Variants in DMD observed in about 807,000 individuals in gnomAD.
The protein encoded by DMD is mutant dystrophin.
A neutral mutation model predicts 330.1 loss-of-function variants in DMD; 63 were observed. That is an observed-to-expected ratio of 0.19 (90% CI 0.16 to 0.24). DMD has a LOEUF of 0.24. Among genes scored for constraint, DMD ranks in the 10% least tolerant of loss-of-function variants. The probability of loss-of-function intolerance (pLI) is 1.00; values close to 1 mark genes in which losing one functional copy is unlikely to be tolerated. For missense variants in DMD, 3,344 were observed against 2,684.1 expected (o/e 1.25, Z -5.43); for synonymous variants, 1,223 against 959.8 (o/e 1.27, Z -5.07).
intron 9 of DMD, among the ~76,000 whole-genome samples, chrX:32,651,449 T>A (rs944593914): frequency 8.9e-6 from 1 of 112,336 alleles, no homozygotes; most frequent in East Asian, 2.8e-4. Context: ...GGCCCTCACG[T>A]AACTTCTTAA....
At chrX:33,039,130 G>A (rs1462539827) in intron 1 of DMD, among the ~76,000 whole-genome samples, 1 of 111,658 alleles carries the variant, frequency 9.0e-6, no homozygotes, top group African/African-American at 3.3e-5. Context: ...TTCCGTTGTT[G>A]GAGATATCAT....
chrX:31,997,482 A>T (rs775586379), intron 44 of DMD, among the ~76,000 whole-genome samples: 2 of 109,229 alleles, frequency 1.8e-5, no homozygotes, highest in South Asian at 3.9e-4. Flanking sequence ...CTAAGATTGA[A>T]AACTAACTCT....
chrX:32,726,753 A>T (rs1322227074), intron 7 of DMD, among the ~76,000 whole-genome samples: 1 of 110,899 alleles, frequency 9.0e-6, no homozygotes, highest in Non-Finnish European at 1.9e-5. Context: ...GTCCAACACA[A>T]TGTTTCTACA....
intron 36 of DMD, among the ~76,000 whole-genome samples, chrX:32,364,343 G>A (rs1027369017): frequency 2.7e-5 from 3 of 111,925 alleles, no homozygotes; most frequent in Non-Finnish European, 3.8e-5. Context: ...CTTTCTGAAC[G>A]GAGTTTACAT....
At chrX:31,264,551 G>T (rs1187631557) in intron 62 of DMD, among the ~76,000 whole-genome samples, 1 of 111,984 alleles carries the variant, frequency 8.9e-6, no homozygotes, top group Non-Finnish European at 1.9e-5. Context: ...TGGCCCTGCT[G>T]GTTCCAAAGC....
chrX:32,913,784 T>C (rs58214409), intron 2 of DMD, among the ~76,000 whole-genome samples: 4,404 of 111,980 alleles, frequency 0.039, 128 homozygotes, highest in East Asian at 0.17. Flanking sequence ...GGGGACCTGA[T>C]GTCCCTGAGA....
chrX:33,271,727 C>T (rs1432381875), intron 1 of DMD, among the ~76,000 whole-genome samples: 1 of 101,038 alleles, frequency 9.9e-6, no homozygotes, highest in African/African-American at 3.6e-5. Flanking sequence ...GATAGTGCCA[C>T]CACACTCCAG....
At chrX:31,936,577 T>G (rs1337270506) in intron 45 of DMD, among the ~76,000 whole-genome samples, 1 of 111,729 alleles carries the variant, frequency 9.0e-6, no homozygotes, top group East Asian at 2.8e-4. Flanking sequence ...TTAAGAGCTC[T>G]TTTCACATTA....
At chrX:31,686,386 A>T (rs1418652398) in intron 52 of DMD, among the ~76,000 whole-genome samples, 1 of 111,963 alleles carries the variant, frequency 8.9e-6, no homozygotes, top group Non-Finnish European at 1.9e-5. Flanking sequence ...TTGCATTTCA[A>T]GTTTTCATAA....
chrX:32,918,306 C>A (rs2088045615), intron 2 of DMD, among the ~76,000 whole-genome samples: 1 of 111,592 alleles, frequency 9.0e-6, no homozygotes, highest in Non-Finnish European at 1.9e-5. Context: ...AAATCTAAGT[C>A]CTATTTAATC....
chrX:32,476,352 C>T (rs2041235886), intron 21 of DMD, among the ~76,000 whole-genome samples: 1 of 111,355 alleles, frequency 9.0e-6, no homozygotes, highest in South Asian at 3.7e-4. Flanking sequence ...TGCATTCCAA[C>T]CCTCATCCTA....
rs764788544 is a variant in DMD, at chrX:32,400,096, G to C, written c.4234-9915C>G. 3.6e-5 allele frequency among the ~76,000 whole-genome samples: 4 copies of C among 111,578 alleles called. No individual in the cohort carries two copies. The South Asian group carries it at 1.5e-3, about 42-fold the overall frequency. On this transcript the variant is annotated intron_variant, in intron 30 of 78. Coordinates refer to ENST00000357033, the MANE Select transcript of DMD (RefSeq NM_004006.3). ...TCAGTATGATATTGGCTGTGGGTTTGTCATAGATAGCTCTTATTATTTTGA... is the reference window on the plus strand; with the variant it reads ...TCAGTATGATATTGGCTGTGGGTTTCTCATAGATAGCTCTTATTATTTTGA...
Position 32,497,179 on chromosome X carries a change from A to G in DMD, c.2380+4576T>C, listed in dbSNP as rs542309680. ...GAAATTATCTAATGAGCTATGAACC[A>G]AAATACAAGAAAAAAAGATAGTTAC... On this transcript the variant is annotated intron_variant, in intron 19 of 78. Coordinates refer to ENST00000357033, the MANE Select transcript of DMD (RefSeq NM_004006.3). Among the ~76,000 whole-genome samples, 20 of 111,703 alleles carry G rather than the reference A, an allele frequency of 1.8e-4. No individual in the cohort carries two copies. The South Asian group carries it at 7.5e-3, about 42-fold the overall frequency.
intron 55 of DMD, among the ~76,000 whole-genome samples, chrX:31,521,103 G>C (rs1037105235): frequency 6.3e-5 from 7 of 111,390 alleles, no homozygotes; most frequent in African/African-American, 2.3e-4. Context: ...TGAAGAACTA[G>C]AACAGATAAG....
chrX:31,388,200 T>C (rs750398975), intron 60 of DMD, among the ~76,000 whole-genome samples: 1 of 108,802 alleles, frequency 9.2e-6, no homozygotes, highest in African/African-American at 3.4e-5. Flanking sequence ...AGACGGAGTT[T>C]CACCATGTTA....
intron 57 of DMD, among the ~76,000 whole-genome samples, chrX:31,482,010 C>T (rs1404362113): frequency 1.8e-5 from 2 of 110,538 alleles, no homozygotes; most frequent in Admixed American, 1.9e-4. Flanking sequence ...TCCTAGTCTC[C>T]CACTTATGGA....
intron 64 of DMD, among the ~76,000 whole-genome samples, chrX:31,213,716 G>A (rs1192505873): frequency 1.8e-5 from 2 of 111,977 alleles, no homozygotes; most frequent in African/African-American, 6.5e-5. Flanking sequence ...TGGTTCCTGT[G>A]AGTCCTCTTT....
chrX:31,233,124 G>A (rs1603067534), intron 63 of DMD, among the ~76,000 whole-genome samples: 4 of 111,292 alleles, frequency 3.6e-5, no homozygotes, highest in African/African-American at 3.3e-5. Context: ...CTTGACAGGC[G>A]ACTTACAGTC....
At chrX:33,066,153 G>A (rs767841354) in intron 1 of DMD, among the ~76,000 whole-genome samples, 2 of 109,837 alleles carry the variant, frequency 1.8e-5, no homozygotes, top group Admixed American at 2.0e-4. Flanking sequence ...ATAATGTCTA[G>A]GAAACGAGAG....
Sources: allele counts gnomAD v4.1 joint callset (sites outside exome capture counted in the v4.1 genomes callset), GRCh38; gene constraint gnomAD v4.1.1; transcripts MANE v1.5; gene names NCBI Gene and HGNC (gene_info 2026-07-23, HGNC 2026-07-21).